Variants in RAVER2 observed in about 807,000 individuals in gnomAD.
The protein encoded by RAVER2 is ribonucleoprotein, PTB binding 2.
In RAVER2, 46 loss-of-function variants were observed where a neutral mutation model predicts 78.1. That is an observed-to-expected ratio of 0.59 (90% CI 0.46 to 0.75). The LOEUF (loss-of-function observed/expected upper bound fraction) is 0.75. Ranked by LOEUF, RAVER2 falls within the 30% of genes least tolerant of loss-of-function variation. The pLI is 0.00. For synonymous variants in RAVER2, 311 were observed against 313.3 expected (o/e 0.99, Z 0.08); for missense variants, 793 against 837.5 (o/e 0.95, Z 0.66).
At chr1:64,820,712 C>T (rs910189976) in intron 11 of RAVER2, among the ~76,000 whole-genome samples, 11 of 152,334 alleles carry the variant, frequency 7.2e-5, no homozygotes, top group African/African-American at 2.6e-4. Context: ...AAGCTTCCAG[C>T]TCTATCCATG....
intron 10 of RAVER2, among the ~76,000 whole-genome samples, chr1:64,814,209 C>G (rs1292886398): frequency 6.6e-6 from 1 of 152,168 alleles, no homozygotes; most frequent in Non-Finnish European, 1.5e-5. Context: ...ATTCTTATGT[C>G]TCAGCCTCCC....
chr1:64,806,422 CAAAA>C (rs1362098345), intron 8 of RAVER2, among the ~76,000 whole-genome samples: 3 of 151,972 alleles, frequency 2.0e-5, no homozygotes, highest in Admixed American at 6.6e-5. Context: ...AAAAAACAAA[CAAAA>C]AAACCCTTTT....
intron 11 of RAVER2, among the ~76,000 whole-genome samples, chr1:64,822,316 C>G (rs1304399860): frequency 6.6e-6 from 1 of 152,128 alleles, no homozygotes; most frequent in Non-Finnish European, 1.5e-5. Flanking sequence ...AGAACAACAT[C>G]TCATCACTTA....
chr1:64,758,937 TGGA>T (rs1213048037), intron 1 of RAVER2, among the ~76,000 whole-genome samples: 1 of 151,706 alleles, frequency 6.6e-6, no homozygotes, highest in Non-Finnish European at 1.5e-5. Context: ...ATTTAAATAT[TGGA>T]GGAGAGATTG....
chr1:64,798,773 C>T (rs758619087), intron 5 of RAVER2, among the ~76,000 whole-genome samples: 5 of 152,062 alleles, frequency 3.3e-5, no homozygotes, highest in Non-Finnish European at 7.4e-5. Context: ...CTCCTCCACT[C>T]AAGTTTTTTT....
Position 64,781,529 on chromosome 1 carries a change from AG to A in RAVER2, c.939del (p.Arg314GlufsTer4). On this transcript the variant is annotated frameshift_variant, in exon 4 of 12. Transcript: ENST00000294428. LOFTEE classifies it high-confidence loss of function. ...TTTCCTTCTGTGCTCCTGGAGCGCCAGGGCGAAGTACATTAGCAGCATTGAT... is the reference window on the plus strand; with the variant it reads ...TTTCCTTCTGTGCTCCTGGAGCGCCAGGCGAAGTACATTAGCAGCATTGAT... The A allele has an allele frequency of 1.2e-6, 2 of 1,614,122 alleles. No homozygotes were observed. Among genetic ancestry groups the A allele is most frequent in the Non-Finnish European group, 1.7e-6 (2 of 1,179,976 alleles).
exon 12 of RAVER2, chr1:64,832,478 TAA>T (rs1557611530): frequency 6.6e-6 from 1 of 152,560 alleles, no homozygotes; most frequent in Non-Finnish European, 1.5e-5. Context: ...GTTTATGTTA[TAA>T]GACTGTAATT....
chr1:64,800,138 T>G (rs537962413), intron 5 of RAVER2, among the ~76,000 whole-genome samples: 89 of 151,882 alleles, frequency 5.9e-4, no homozygotes, highest in African/African-American at 6.8e-4. Context: ...TTTGTTTTTT[T>G]TTTTTGCTGT....
intron 5 of RAVER2, among the ~76,000 whole-genome samples, chr1:64,796,242 G>A (rs1309589684): frequency 6.6e-6 from 1 of 151,862 alleles, no homozygotes; most frequent in African/African-American, 2.4e-5. Context: ...TTGGTCTGTA[G>A]TTTTCTTCCC....
intron 11 of RAVER2, among the ~76,000 whole-genome samples, chr1:64,819,733 GA>G (rs1398793443): frequency 6.6e-6 from 1 of 152,216 alleles, no homozygotes; most frequent in African/African-American, 2.4e-5. Context: ...ATAATCTTGA[GA>G]GCAACCAGAT....
chr1:64,800,364 G>T (rs1453883323), intron 5 of RAVER2, among the ~76,000 whole-genome samples: 1 of 152,112 alleles, frequency 6.6e-6, no homozygotes, highest in Non-Finnish European at 1.5e-5. Context: ...TCTTTGCCCA[G>T]ATCAGTGTCC....
chr1:64,770,492 T>A (rs1335377232), intron 2 of RAVER2, among the ~76,000 whole-genome samples: 4 of 151,998 alleles, frequency 2.6e-5, no homozygotes, highest in Non-Finnish European at 4.4e-5. Flanking sequence ...CAAGAATATT[T>A]GTATGCATCC....
chr1:64,814,917 G>T (rs1026403496), intron 11 of RAVER2, 77 bp downstream of exon 11: 94 of 1,255,490 alleles, frequency 7.5e-5, no homozygotes, highest in East Asian at 6.0e-4. Flanking sequence ...ATATGAAATT[G>T]TGATTTCTAT....
chr1:64,807,330 A>G lies in RAVER2; in HGVS notation c.1536A>G (p.Pro512=), dbSNP rs759582297. 3.1e-5 allele frequency: 50 copies of G among 1,614,068 alleles called. 1 individual carries two copies. Among genetic ancestry groups the G allele is most frequent in the Middle Eastern group, 1.6e-4 (1 of 6,082 alleles). ...ACAGTAATACTCAGGAGAAACAGCC[A>G]GCCACGGTGGGAATGGCAGAAGGAA... The change falls in exon 9 of 12, where the codon CCA becomes CCG. Residue 512 remains proline (P), a synonymous_variant. Transcript: ENST00000294428.
At chr1:64,812,912 A>G (rs1319575614) in intron 10 of RAVER2, 63 bp downstream of exon 10, 6 of 1,271,218 alleles carry the variant, frequency 4.7e-6, no homozygotes, top group Non-Finnish European at 6.4e-6. Flanking sequence ...AATAAGTTTT[A>G]CTTTAATTTT....
intron 5 of RAVER2, among the ~76,000 whole-genome samples, chr1:64,800,708 A>C (rs1316271273): frequency 1.3e-5 from 2 of 152,198 alleles, no homozygotes; most frequent in Non-Finnish European, 2.9e-5. Flanking sequence ...GTCATCTTCC[A>C]TATATCCTCA....
chr1:64,832,123 A>G (rs1330167324), exon 12 of RAVER2: 1 of 152,660 alleles, frequency 6.6e-6, no homozygotes, highest in Non-Finnish European at 1.5e-5. Context: ...AGCGTAGACT[A>G]GTAATGATCT....
chr1:64,760,431 G>A (rs1365781795), intron 1 of RAVER2, among the ~76,000 whole-genome samples: 1 of 152,158 alleles, frequency 6.6e-6, no homozygotes, highest in Non-Finnish European at 1.5e-5. Flanking sequence ...GTCCTGGGGA[G>A]AGAGATGGTA....
In RAVER2 at chr1:64,821,832, C is replaced by T. The variant is rs186386852; in HGVS notation, c.1929+6992C>T. Among the ~76,000 whole-genome samples, 292 of 152,300 alleles carry T rather than the reference C, an allele frequency of 1.9e-3. 3 individuals are homozygous for T. Among genetic ancestry groups the T allele is most frequent in the Admixed American group, 0.017 (260 of 15,302 alleles). On this transcript the variant is annotated intron_variant, in intron 11 of 11. Transcript: ENST00000294428. ...TAAAAACCCTGGAAGACAACCTAGG[C>T]AATACCATCCTGGACACAGGAACGC... is the stretch of plus-strand genomic sequence containing the variant.
Sources: gnomAD v4.1 joint callset for allele counts (sites outside exome capture counted in the v4.1 genomes callset) on GRCh38, gnomAD v4.1.1 for gene constraint, MANE v1.5 for transcripts, NCBI Gene and HGNC (gene_info 2026-07-23, HGNC 2026-07-21) for gene names.